ZNF367: variants seen among roughly 807,000 people sequenced by gnomAD.
ZNF367 encodes the protein C2H2 zinc finger protein ZFF29.
ZNF367 carries 11 observed loss-of-function variants against 31.8 expected under a neutral mutation model. That is an observed-to-expected ratio of 0.35 (90% CI 0.22 to 0.57). The LOEUF (loss-of-function observed/expected upper bound fraction) is 0.57. ZNF367 is among the 20% of genes least tolerant of loss of function. The pLI is 0.85. For synonymous variants in ZNF367, 199 were observed against 202.4 expected (o/e 0.98, Z 0.14); for missense variants, 353 against 484.1 (o/e 0.73, Z 2.54).
chr9:96,408,135 A>C (rs373748418), intron 1 of ZNF367, among the ~76,000 whole-genome samples: 2 of 152,122 alleles, frequency 1.3e-5, no homozygotes, highest in African/African-American at 4.8e-5. Flanking sequence ...TGGGTGCAGC[A>C]CACCAACATG....
chr9:96,402,391 A>G (rs370470772), intron 1 of ZNF367, among the ~76,000 whole-genome samples: 56 of 151,634 alleles, frequency 3.7e-4, no homozygotes, highest in African/African-American at 1.4e-3. Context: ...AAGGAGAAAT[A>G]GTTCAAAAAC....
At chr9:96,388,483 G>A in intron 4 of ZNF367, 24 bp from the exon 5 acceptor site, 1 of 1,582,314 alleles carries the variant, frequency 6.3e-7, no homozygotes, top group East Asian at 2.2e-5. Flanking sequence ...AGCAACATTA[G>A]TTACATGGCA....
intron 1 of ZNF367, among the ~76,000 whole-genome samples, chr9:96,399,494 G>A (rs1344447845): frequency 6.6e-6 from 1 of 152,156 alleles, no homozygotes; most frequent in African/African-American, 2.4e-5. Context: ...TGTAGCCTGA[G>A]TGACAGAGTG....
Position 96,418,068 on chromosome 9 carries a change from C to T in ZNF367, c.-36G>A, listed in dbSNP as rs755580341. 1.3e-5 allele frequency: 17 copies of T among 1,350,266 alleles called. No homozygotes were observed. In the African/African-American group the frequency reaches 2.6e-4, roughly 21 times the overall value. 83.6% of individuals were successfully genotyped at this position (1,350,266 alleles called of 1,614,324 possible). On this transcript the variant is annotated 5_prime_UTR_variant, in exon 1 of 5. Transcript: ENST00000375256. ...GACCCCCAGCTCCGGCGGCCCCGGG[C>T]CGCACTCCTGAGCACCGCTCTGCCC...
chr9:96,404,462 G>A (rs1475715865), intron 1 of ZNF367, among the ~76,000 whole-genome samples: 3 of 151,760 alleles, frequency 2.0e-5, no homozygotes, highest in East Asian at 2.0e-4. Context: ...GCGCGGTGGC[G>A]GGCACCTGTA....
At chr9:96,411,934 T>C (rs1724471583) in intron 1 of ZNF367, among the ~76,000 whole-genome samples, 1 of 152,178 alleles carries the variant, frequency 6.6e-6, no homozygotes, top group Admixed American at 6.5e-5. Context: ...TTCATGCGAT[T>C]CTCCTGCCTC....
At chr9:96,410,561 C>CAAAAAAAAAAAAAAA (rs35609930) in intron 1 of ZNF367, among the ~76,000 whole-genome samples, 1 of 69,604 alleles carries the variant, frequency 1.4e-5, no homozygotes, top group Non-Finnish European at 2.9e-5. Context: ...GACTCCGTCT[C>CAAAAAAAAAAAAAAA]AAAAAAAAAA....
chr9:96,403,221 G>A lies in ZNF367; in HGVS notation c.421-4907C>T, dbSNP rs144525763. Among the ~76,000 whole-genome samples, 47 of 152,202 alleles carry A rather than the reference G, an allele frequency of 3.1e-4. No homozygotes were observed. The East Asian group carries it at 8.9e-3, about 29-fold the overall frequency. ...CTGACCTCGTGATCCACCCGCCTTGGCCTCCCAAAGTGCTGGAATTACAAG... is the reference window on the plus strand; with the variant it reads ...CTGACCTCGTGATCCACCCGCCTTGACCTCCCAAAGTGCTGGAATTACAAG... On this transcript the variant is annotated intron_variant, in intron 1 of 4. Transcript: ENST00000375256.
intron 4 of ZNF367, among the ~76,000 whole-genome samples, chr9:96,389,302 GAAA>G (rs11438398): frequency 2.7e-5 from 3 of 112,142 alleles, no homozygotes; most frequent in Admixed American, 9.5e-5. Flanking sequence ...TCCGTTTCAA[GAAA>G]AAAAAAAAAA....
chr9:96,396,947 G>A (rs904597035), intron 2 of ZNF367, among the ~76,000 whole-genome samples: 9 of 152,068 alleles, frequency 5.9e-5, no homozygotes, highest in Admixed American at 2.0e-4. Context: ...GATTACAGGC[G>A]TCAGCCACCG....
chr9:96,402,211 G>A (rs1185572787), intron 1 of ZNF367, among the ~76,000 whole-genome samples: 2 of 147,746 alleles, frequency 1.4e-5, no homozygotes, highest in African/African-American at 2.5e-5. Flanking sequence ...AGCCGAGTTC[G>A]CACCACTGCA....
At chr9:96,409,076 T>C (rs981896782) in intron 1 of ZNF367, among the ~76,000 whole-genome samples, 2 of 152,056 alleles carry the variant, frequency 1.3e-5, no homozygotes, top group Non-Finnish European at 2.9e-5. Flanking sequence ...AAAAAAAGCC[T>C]GTCACTTCCT....
At chr9:96,392,980 G>A (rs1831490390) in intron 3 of ZNF367, among the ~76,000 whole-genome samples, 1 of 152,148 alleles carries the variant, frequency 6.6e-6, no homozygotes, top group Non-Finnish European at 1.5e-5. Flanking sequence ...AGCTACTCAG[G>A]AGGCTGAGAC....
intron 3 of ZNF367, among the ~76,000 whole-genome samples, chr9:96,394,306 T>C (rs978578302): frequency 2.6e-5 from 4 of 152,166 alleles, no homozygotes; most frequent in South Asian, 4.1e-4. Context: ...CTCGTGGAGA[T>C]AGACAGTAGA....
intron 2 of ZNF367, 77 bp downstream of exon 2, chr9:96,398,087 C>CAAAAAAA (rs374810647): frequency 2.9e-5 from 11 of 379,772 alleles, no homozygotes; most frequent in East Asian, 7.4e-5. Context: ...GAGACTATCT[C>CAAAAAAA]AAAAAAAAAA....
chr9:96,411,223 CATAA>C (rs1366802254), intron 1 of ZNF367, among the ~76,000 whole-genome samples: 2 of 151,964 alleles, frequency 1.3e-5, no homozygotes, highest in Admixed American at 6.6e-5. Flanking sequence ...AGTCCTCTGC[CATAA>C]AAGGATCCCT....
In ZNF367 at chr9:96,386,323, T is replaced by C. The variant is rs1326192856; in HGVS notation, c.*1914A>G. 1 of 152,176 alleles carries C rather than the reference T, an allele frequency of 6.6e-6. No individual in the cohort carries two copies. The highest frequency in any genetic ancestry group is 1.5e-5 in the Non-Finnish European group (1 of 68,010). 9.4% of individuals were successfully genotyped at this position (152,176 alleles called of 1,614,324 possible). The stretch of plus-strand genomic sequence containing the variant: ...GGCCTTAAATGTTATCATCTGTGAA[T>C]TGGCAAATATTTGTATTTGAAAAAT... On this transcript the variant is annotated 3_prime_UTR_variant, in exon 5 of 5. Transcript: ENST00000375256.
intron 1 of ZNF367, among the ~76,000 whole-genome samples, chr9:96,416,012 C>A (rs1831822825): frequency 1.3e-5 from 2 of 151,856 alleles, no homozygotes; most frequent in African/African-American, 4.8e-5. Context: ...CAAGTGATTC[C>A]CCAGCCTCAG....
chr9:96,396,359 T>C (rs1831530216), intron 2 of ZNF367, among the ~76,000 whole-genome samples: 1 of 152,264 alleles, frequency 6.6e-6, no homozygotes, highest in African/African-American at 2.4e-5. Flanking sequence ...AGTAATCATT[T>C]TACTAATGGT....
Sources: allele counts gnomAD v4.1 joint callset (sites outside exome capture counted in the v4.1 genomes callset), GRCh38; gene constraint gnomAD v4.1.1; transcripts MANE v1.5; gene names NCBI Gene and HGNC (gene_info 2026-07-23, HGNC 2026-07-21).